NDUFB7: variants seen among roughly 807,000 people sequenced by gnomAD.
NDUFB7 encodes the protein NADH dehydrogenase [ubiquinone] 1 beta subcomplex subunit 7.
NDUFB7 carries 18 observed loss-of-function variants against 14.7 expected under a neutral mutation model. The observed-to-expected ratio is 1.22, with a 90% CI of 0.85 to 1.81. NDUFB7 has a LOEUF of 1.81. Among genes scored for constraint, NDUFB7 ranks in the 40% most tolerant of loss-of-function variants. NDUFB7 has a pLI of 0.00. For synonymous variants in NDUFB7, 86 were observed against 76.1 expected (o/e 1.13, Z -0.68); for missense variants, 219 against 195.0 (o/e 1.12, Z -0.73).
rs2074098937 is a variant in NDUFB7 at position 14,567,487 on chromosome 19, A to G, written c.113-554T>C. Among the ~76,000 whole-genome samples the G allele has an allele frequency of 6.6e-6, 1 of 152,148 alleles. No homozygotes were observed. The highest frequency in any genetic ancestry group is 6.6e-5 in the Admixed American group (1 of 15,264). ...ACTGAGCTAACAGTACCTGTAAGGT[A>G]CTTAGGCGTGGGCTCAGAAGACAGC... On this transcript the variant is annotated intron_variant, in intron 1 of 2. Transcript: ENST00000215565. This position sits in a 1 kb window ranked among gnomAD's most constrained non-coding sequence, Gnocchi z 5.1.
chr19:14,570,798 G>A (rs961480566), intron 1 of NDUFB7, among the ~76,000 whole-genome samples: 3 of 152,194 alleles, frequency 2.0e-5, no homozygotes, highest in East Asian at 3.8e-4. Flanking sequence ...AATGTGGGAC[G>A]TGGCCCAGAG....
rs547375896 is a variant in NDUFB7, at chr19:14,567,029, C to T, written c.113-96G>A. On this transcript the variant is annotated intron_variant, in intron 1 of 2. Transcript: ENST00000215565. The surrounding 1 kb of genome is among the most constrained non-coding windows in gnomAD (Gnocchi z 5.1). ...CGAGGCACACGGCTTCAGGAAGGCA[C>T]GGCTTGGGGTGTCCCCCATTCACAT... The T allele has an allele frequency of 1.6e-4, 207 of 1,287,796 alleles. 1 individual carries two copies. In the East Asian group the frequency reaches 3.8e-3, roughly 24 times the overall value. The allele number at this position is 1,287,796 out of a possible 1,614,324, so 79.8% of individuals were successfully genotyped here.
In NDUFB7 at chr19:14,572,024, G is replaced by C. The variant is rs763511127; in HGVS notation, c.-24C>G. Reference sequence around the variant, plus strand: ...ATGGCTGCAGTCGCTGCAGATCCCTGCAGCAGCCGAGGGTCACCTAGCTCC... The same window carrying C: ...ATGGCTGCAGTCGCTGCAGATCCCTCCAGCAGCCGAGGGTCACCTAGCTCC... On this transcript the variant is annotated 5_prime_UTR_variant, in exon 1 of 3. Coordinates refer to ENST00000215565, the MANE Select transcript of NDUFB7 (RefSeq NM_004146.6). 3.9e-6 allele frequency: 6 copies of C among 1,554,014 alleles called. No homozygotes were observed.
rs1405813373 is a variant in NDUFB7, at chr19:14,567,399, C to G, written c.113-466G>C. Among the ~76,000 whole-genome samples, 1 of 103,612 alleles carries G rather than the reference C, an allele frequency of 9.7e-6. No individual in the cohort carries two copies. The highest frequency in any genetic ancestry group is 2.1e-5 in the Non-Finnish European group (1 of 47,592). The allele number at this position is 103,612 out of a possible 152,430, so 68.0% of individuals were successfully genotyped here. On this transcript the variant is annotated intron_variant, in intron 1 of 2. Coordinates refer to ENST00000215565, the MANE Select transcript of NDUFB7 (RefSeq NM_004146.6). This position sits in a 1 kb window ranked among gnomAD's most constrained non-coding sequence, Gnocchi z 5.1. ...CAAGGCCCAGCTCTGCACTGGCCGGCGGCGTGGCCTCTCTCTCAGCCTCAG... is the reference window on the plus strand; with the variant it reads ...CAAGGCCCAGCTCTGCACTGGCCGGGGGCGTGGCCTCTCTCTCAGCCTCAG...
In NDUFB7 at chr19:14,571,832, G is replaced by T. The variant is rs1042942827; in HGVS notation, c.112+57C>A. 3 of 1,516,986 alleles carry T rather than the reference G, an allele frequency of 2.0e-6. No individual in the cohort carries two copies. The African/African-American group carries it at 4.1e-5, about 21-fold the overall frequency. 94.0% of individuals were successfully genotyped at this position (1,516,986 alleles called of 1,614,324 possible). On this transcript the variant is annotated intron_variant, in intron 1 of 2. Transcript: ENST00000215565. ...CTGGGGTGCCAGCCCTGGGGTGCCA[G>T]GTGTTCAGGCACCCGCGCCCCACGC...
At position 14,566,244 on chromosome 19, in the gene NDUFB7, C is replaced by T. The variant is rs749644206; in HGVS notation, c.303G>A (p.Glu101=). 6.2e-7 allele frequency: 1 copy of T among 1,614,124 alleles called. No individual in the cohort carries two copies. The highest frequency in any genetic ancestry group is 8.5e-7 in the Non-Finnish European group (1 of 1,180,026). ...EHRDYVMRMK[E]FERERRLLQR... is the part of the protein sequence containing the mutation. ...GGAGCAGCCTCCGCTCCCGCTCAAA[C>T]TCCTTCATGCGCATCACATAGCTGG... is the stretch of plus-strand genomic sequence containing the variant. Residue 101 remains glutamate, a synonymous_variant, in exon 3 of 3, where the codon GAG becomes GAA. Transcript: ENST00000215565.
rs2074092780 is a variant in NDUFB7, at chr19:14,566,876, T to C, written c.170A>G (p.Asp57Gly). Reference protein sequence around the residue: ...MDAQLRLQLRDYCAHHLIRLL... With the variant: ...MDAQLRLQLRGYCAHHLIRLL... ...CCGGATGAGGTGGTGGGCGCAGTAG[T>C]CCCGCAGCTGGAGCCTCAGCTGCGC... The change falls in exon 2 of 3, where the codon GAC becomes GGC. Residue 57 changes from aspartate to glycine, a missense_variant. Asp to Gly is a moderately conservative substitution (Grantham distance 94, BLOSUM62 -1). Coordinates refer to ENST00000215565, the MANE Select transcript of NDUFB7 (RefSeq NM_004146.6). 2 of 1,577,686 alleles carry C rather than the reference T, an allele frequency of 1.3e-6. No homozygotes were observed. Among genetic ancestry groups the C allele is most frequent in the African/African-American group, 2.7e-5 (2 of 74,140 alleles).
intron 1 of NDUFB7, among the ~76,000 whole-genome samples, chr19:14,569,450 G>A (rs2074111784): frequency 6.6e-6 from 1 of 152,158 alleles, no homozygotes; most frequent in Non-Finnish European, 1.5e-5. Context: ...ATTTTGCCTG[G>A]CTTAGAGCTG....
At position 14,566,199 on chromosome 19, in the gene NDUFB7, C is replaced by T. The variant is rs760199899; in HGVS notation, c.348G>A (p.Glu116=). 1 of 1,613,990 alleles carries T rather than the reference C, an allele frequency of 6.2e-7. No individual in the cohort carries two copies. The highest frequency in any genetic ancestry group is 1.1e-5 in the South Asian group (1 of 91,076). The change falls in exon 3 of 3, where the codon GAG becomes GAA. Residue 116 remains glutamate (E), a synonymous_variant. Coordinates refer to ENST00000215565, the MANE Select transcript of NDUFB7 (RefSeq NM_004146.6). ...RRLLQRKKRR[E]KKAAELAKGQ... ...CTTTGGCCAACTCTGCCGCCTTCTTCTCCCGCCGCTTCTTCCGCTGGAGCA... is the reference window on the plus strand; with the variant it reads ...CTTTGGCCAACTCTGCCGCCTTCTTTTCCCGCCGCTTCTTCCGCTGGAGCA...
At chr19:14,571,028 C>G (rs182602089) in intron 1 of NDUFB7, among the ~76,000 whole-genome samples, 1 of 151,896 alleles carries the variant, frequency 6.6e-6, no homozygotes, top group South Asian at 2.1e-4. Context: ...CATCCTGGGG[C>G]GCTCCTGTAG....
intron 1 of NDUFB7, among the ~76,000 whole-genome samples, chr19:14,571,265 G>A (rs1427535530): frequency 2.0e-5 from 3 of 152,138 alleles, no homozygotes; most frequent in East Asian, 1.9e-4. Context: ...TACAATGAAC[G>A]TGTCCCTGCC....
At chr19:14,571,529 G>A (rs1320724401) in intron 1 of NDUFB7, among the ~76,000 whole-genome samples, 4 of 152,052 alleles carry the variant, frequency 2.6e-5, no homozygotes, top group Non-Finnish European at 4.4e-5. Flanking sequence ...CCCGGGAGGT[G>A]GAGGCTGCCA....
In NDUFB7 at chr19:14,566,934, C is replaced by G; in HGVS notation, c.113-1G>C. The G allele has an allele frequency of 6.3e-7, 1 of 1,578,446 alleles. No homozygotes were observed. Among genetic ancestry groups the G allele is most frequent in the Non-Finnish European group, 8.6e-7 (1 of 1,166,538 alleles). On this transcript the variant is annotated splice_acceptor_variant, in intron 1 of 2. Transcript: ENST00000215565. LOFTEE classifies it high-confidence loss of function. ...ATCTCCTGCTGTGTGGCCACCATCT[C>G]TGCAGGGAGTGGGCGGGGCTCAACC...
intron 1 of NDUFB7, among the ~76,000 whole-genome samples, chr19:14,568,190 G>A (rs1198912563): frequency 1.3e-5 from 2 of 152,154 alleles, no homozygotes; most frequent in Non-Finnish European, 2.9e-5. Flanking sequence ...AACTACAGGC[G>A]CCTGCCACCA....
rs533427208 is a variant in NDUFB7 at position 14,571,370 on chromosome 19, C to T, written c.112+519G>A. On this transcript the variant is annotated intron_variant, in intron 1 of 2. Coordinates refer to ENST00000215565, the MANE Select transcript of NDUFB7 (RefSeq NM_004146.6). ...CAGCACTTGGGGAGGCCGAGGCGGG[C>T]GGATCACTTGAGGTCAGGAGTTCAA... 6.4e-3 allele frequency among the ~76,000 whole-genome samples: 978 copies of T among 151,814 alleles called. 15 individuals are homozygous for T. Among genetic ancestry groups the T allele is most frequent in the African/African-American group, 0.023 (932 of 41,414 alleles).
Position 14,566,386 on chromosome 19 carries a change from C to T in NDUFB7, c.282-121G>A, listed in dbSNP as rs868529620. ...GGGAGGCCTCTGAAGAAGACATGTC[C>T]GAGTGCCTGTGGCTTGGGTCTGGGG... On this transcript the variant is annotated intron_variant, in intron 2 of 2. Transcript: ENST00000215565. The T allele has an allele frequency of 2.1e-5, 32 of 1,497,200 alleles. No homozygotes were observed. In the Middle Eastern group the frequency reaches 1.3e-3, roughly 62 times the overall value. The allele number at this position is 1,497,200 out of a possible 1,614,324, so 92.7% of individuals were successfully genotyped here.
rs972322059 is a variant in NDUFB7 at position 14,567,033 on chromosome 19, T to C, written c.113-100A>G. On this transcript the variant is annotated intron_variant, in intron 1 of 2. Coordinates refer to ENST00000215565, the MANE Select transcript of NDUFB7 (RefSeq NM_004146.6). This position sits in a 1 kb window ranked among gnomAD's most constrained non-coding sequence, Gnocchi z 5.1. Reference sequence around the variant, plus strand: ...GCACACGGCTTCAGGAAGGCACGGCTTGGGGTGTCCCCCATTCACATCCAG... The same window carrying C: ...GCACACGGCTTCAGGAAGGCACGGCCTGGGGTGTCCCCCATTCACATCCAG... The C allele has an allele frequency of 2.9e-5, 37 of 1,259,784 alleles. No individual in the cohort carries two copies. In the East Asian group the frequency reaches 5.3e-4, roughly 18 times the overall value. The allele number at this position is 1,259,784 out of a possible 1,614,324, so 78.0% of individuals were successfully genotyped here.
At position 14,572,043 on chromosome 19, in the gene NDUFB7, T is replaced by C. The variant is rs1453544776; in HGVS notation, c.-43A>G. ...ATCCCTGCAGCAGCCGAGGGTCACCTAGCTCCTACCCGGAACCACTGACCC... is the reference window on the plus strand; with the variant it reads ...ATCCCTGCAGCAGCCGAGGGTCACCCAGCTCCTACCCGGAACCACTGACCC... On this transcript the variant is annotated 5_prime_UTR_variant, in exon 1 of 3. Coordinates refer to ENST00000215565, the MANE Select transcript of NDUFB7 (RefSeq NM_004146.6). The C allele has an allele frequency of 3.4e-6, 5 of 1,461,980 alleles. No individual in the cohort carries two copies. The South Asian group carries it at 3.7e-5, about 11-fold the overall frequency. The allele number at this position is 1,461,980 out of a possible 1,614,324, so 90.6% of individuals were successfully genotyped here. A position where few individuals can be genotyped will look rare whatever the true frequency, so the allele number is the denominator to read the frequency against.
At chr19:14,570,571 A>G (rs1003285293) in intron 1 of NDUFB7, among the ~76,000 whole-genome samples, 3 of 151,546 alleles carry the variant, frequency 2.0e-5, no homozygotes, top group Admixed American at 6.6e-5. Context: ...TCCTGACCCC[A>G]GGTGATCTGC....
Sources: allele counts gnomAD v4.1 joint callset (sites outside exome capture counted in the v4.1 genomes callset), GRCh38; gene constraint gnomAD v4.1.1; non-coding constraint Gnocchi (gnomAD v3.1); transcripts MANE v1.5; gene names NCBI Gene and HGNC (gene_info 2026-07-23, HGNC 2026-07-21).